Variants in FUT8 observed in about 807,000 individuals in gnomAD.
FUT8 encodes fucosyltransferase 8.
FUT8 carries 29 observed loss-of-function variants against 71.3 expected under a neutral mutation model. The ratio of observed to expected loss-of-function variants is 0.41; its 90% CI spans 0.30 to 0.55. The LOEUF (loss-of-function observed/expected upper bound fraction) is 0.55. Among genes scored for constraint, FUT8 ranks in the 20% least tolerant of loss-of-function variants. The pLI is 0.34. For synonymous variants in FUT8, 254 were observed against 239.3 expected (o/e 1.06, Z -0.57); for missense variants, 544 against 702.1 (o/e 0.77, Z 2.55).
intron 2 of FUT8, among the ~76,000 whole-genome samples, chr14:65,534,591 T>C (rs892449603): frequency 3.3e-5 from 5 of 151,314 alleles, no homozygotes; most frequent in African/African-American, 1.2e-4. Context: ...TATTACTGAT[T>C]AAATTTTGGA....
chr14:65,595,309 T>C (rs1173616717), intron 3 of FUT8, among the ~76,000 whole-genome samples: 1 of 152,170 alleles, frequency 6.6e-6, no homozygotes, highest in African/African-American at 2.4e-5. Flanking sequence ...TTCAAAAATA[T>C]TTTCTTGAAC....
chr14:65,387,467 A>T, the FUT8 span, among the ~76,000 whole-genome samples: 1 of 152,162 alleles, frequency 6.6e-6, no homozygotes, highest in Non-Finnish European at 1.5e-5. Context: ...GCAGCTGAAG[A>T]CTCAAGAGGA....
Position 65,539,464 on chromosome 14 carries a change from C to G in FUT8, c.-227-21873C>G, listed in dbSNP as rs190397895. Reference sequence around the variant, plus strand: ...TGTTTTACCTGATATTAGCATAGTTCAGTAGTTGAGTGGACTCTAGAGCTA... The same window carrying G: ...TGTTTTACCTGATATTAGCATAGTTGAGTAGTTGAGTGGACTCTAGAGCTA... On this transcript the variant is annotated intron_variant, in intron 2 of 10. Coordinates refer to ENST00000673929, the MANE Select transcript of FUT8 (RefSeq NM_001371533.1). Among the ~76,000 whole-genome samples, 165 of 152,276 alleles carry G rather than the reference C, an allele frequency of 1.1e-3. 1 individual carries two copies. The highest frequency in any genetic ancestry group is 3.7e-3 in the African/African-American group (155 of 41,554).
chr14:65,659,844 A>G (rs1053029632), intron 6 of FUT8, among the ~76,000 whole-genome samples: 13 of 152,076 alleles, frequency 8.5e-5, no homozygotes, highest in Non-Finnish European at 1.5e-4. Flanking sequence ...ACCGTAATGA[A>G]TTCTGTCAAC....
At chr14:65,575,714 G>A (rs574251524) in intron 3 of FUT8, among the ~76,000 whole-genome samples, 1 of 151,756 alleles carries the variant, frequency 6.6e-6, no homozygotes, top group African/African-American at 2.4e-5. Flanking sequence ...CACCTCCCGG[G>A]TTCAAGCAAA....
intron 2 of FUT8, among the ~76,000 whole-genome samples, chr14:65,528,441 A>G (rs1280093250): frequency 6.6e-6 from 1 of 152,180 alleles, no homozygotes; most frequent in Admixed American, 6.5e-5. Context: ...TTCCAGTGTC[A>G]TCTGTCACAG....
At chr14:65,383,265 C>CTTTTTTTTTTTTTTTT in the FUT8 span, among the ~76,000 whole-genome samples, 4 of 86,512 alleles carry the variant, frequency 4.6e-5, no homozygotes, top group Non-Finnish European at 9.1e-5. Context: ...TTTTTCTTTT[C>CTTTTTTTTTTTTTTTT]TTTTTTTTTT....
rs372178449 is a variant in FUT8 at position 65,742,913 on chromosome 14, TTTTTTGTTTTTG to T, written c.*515_*526del. 1.3e-5 allele frequency: 2 copies of T among 152,762 alleles called. No homozygotes were observed. Among genetic ancestry groups the T allele is most frequent in the East Asian group, 1.9e-4 (1 of 5,148 alleles). The allele number at this position is 152,762 out of a possible 1,614,324, so 9.5% of individuals were successfully genotyped here. On this transcript the variant is annotated 3_prime_UTR_variant, in exon 11 of 11. Coordinates refer to ENST00000673929, the MANE Select transcript of FUT8 (RefSeq NM_001371533.1). ...CAGAATGAGAATGGACGTTTGGTTT[TTTTTTGTTTTTG>T]TTTTTGTTTTTTCCTTTATAAGGTT...
the FUT8 span, among the ~76,000 whole-genome samples, chr14:65,377,683 G>A: frequency 6.6e-6 from 1 of 151,984 alleles, no homozygotes; most frequent in Non-Finnish European, 1.5e-5. Context: ...TTACTGTGCA[G>A]AGTAGTAATT....
chr14:65,646,097 A>G (rs547040317), intron 6 of FUT8: 10 of 152,264 alleles, frequency 6.6e-5, no homozygotes, highest in African/African-American at 2.4e-4. Context: ...TGATGGTGAA[A>G]TTTTACAAAA....
At chr14:65,474,719 A>G (rs1470815528) in intron 2 of FUT8, among the ~76,000 whole-genome samples, 2 of 152,192 alleles carry the variant, frequency 1.3e-5, no homozygotes, top group Non-Finnish European at 2.9e-5. Context: ...TTATTTGCCA[A>G]GATTGAAAAA....
At chr14:65,513,413 G>A (rs750019954) in intron 2 of FUT8, among the ~76,000 whole-genome samples, 3 of 152,212 alleles carry the variant, frequency 2.0e-5, no homozygotes, top group Non-Finnish European at 2.9e-5. Flanking sequence ...CTGCCTGGGA[G>A]CTTTCCTCTA....
the FUT8 span, among the ~76,000 whole-genome samples, chr14:65,381,944 C>A: frequency 1.3e-5 from 2 of 152,196 alleles, no homozygotes; most frequent in Non-Finnish European, 1.5e-5. Flanking sequence ...CACTCTCTCC[C>A]TCCAGGTCCT....
At chr14:65,444,679 A>T (rs1469612434) in intron 1 of FUT8, among the ~76,000 whole-genome samples, 1 of 152,224 alleles carries the variant, frequency 6.6e-6, no homozygotes, top group African/African-American at 2.4e-5. Context: ...ATACTTTTTT[A>T]AAAAAGCTAG....
intron 7 of FUT8, among the ~76,000 whole-genome samples, chr14:65,694,691 C>G (rs923175675): frequency 6.6e-6 from 1 of 152,008 alleles, no homozygotes. Context: ...GGCACATATA[C>G]ACCATGGAAT....
the FUT8 span, among the ~76,000 whole-genome samples, chr14:65,387,231 C>T: frequency 1.3e-5 from 2 of 152,170 alleles, no homozygotes; most frequent in Non-Finnish European, 2.9e-5. Context: ...CCTTCTGAGG[C>T]TTGCATGTAA....
rs902620099 is a variant in FUT8 at position 65,724,466 on chromosome 14, G to A, written c.1259+143G>A. Reference sequence around the variant, plus strand: ...AAAATTCAATGGACTATGTACTTGTGTAACTGTCAGTCTAATCAAAGTGTT... The same window carrying A: ...AAAATTCAATGGACTATGTACTTGTATAACTGTCAGTCTAATCAAAGTGTT... On this transcript the variant is annotated intron_variant, in intron 9 of 10. Transcript: ENST00000673929. 3 of 565,058 alleles carry A rather than the reference G, an allele frequency of 5.3e-6. No homozygotes were observed. In the Admixed American group the frequency reaches 1.1e-4, roughly 20 times the overall value. 35.0% of individuals were successfully genotyped at this position (565,058 alleles called of 1,614,324 possible).
intron 1 of FUT8, among the ~76,000 whole-genome samples, chr14:65,429,239 C>A (rs530163448): frequency 7.2e-5 from 11 of 152,182 alleles, no homozygotes; most frequent in African/African-American, 2.6e-4. Context: ...CTTTTAGAAA[C>A]CTTCAGGGCT....
intron 2 of FUT8, among the ~76,000 whole-genome samples, chr14:65,470,838 A>G (rs1356886566): frequency 6.6e-6 from 1 of 151,826 alleles, no homozygotes; most frequent in Non-Finnish European, 1.5e-5. Context: ...TCAGCTCTGC[A>G]TCGGTCTGCT....
Sources: gnomAD v4.1 joint callset for allele counts (sites outside exome capture counted in the v4.1 genomes callset) on GRCh38, gnomAD v4.1.1 for gene constraint, MANE v1.5 for transcripts, NCBI Gene and HGNC (gene_info 2026-07-23, HGNC 2026-07-21) for gene names.